The following DNAJC15 variants were observed in gnomAD, a reference collection of about 807,000 sequenced individuals.
DNAJC15 encodes the protein DnaJ heat shock protein family (Hsp40) member C15.
A neutral mutation model predicts 22.4 loss-of-function variants in DNAJC15; 27 were observed. The observed-to-expected ratio is 1.20, with a 90% confidence interval of 0.89 to 1.66. The LOEUF is 1.66. DNAJC15 is among the 40% of genes most tolerant of loss of function. DNAJC15 has a pLI of 0.00. For missense variants in DNAJC15, 208 were observed against 187.1 expected (o/e 1.11, Z -0.65); for synonymous variants, 79 against 63.2 (o/e 1.25, Z -1.19).
At chr13:43,055,458 T>A (rs2040526014) in intron 1 of DNAJC15, among the ~76,000 whole-genome samples, 1 of 152,154 alleles carries the variant, frequency 6.6e-6, no homozygotes, top group African/African-American at 2.4e-5. Flanking sequence ...TCTTTTTGCC[T>A]ATTCAACTTT....
At chr13:43,088,207 T>C (rs2040698160) in intron 5 of DNAJC15, among the ~76,000 whole-genome samples, 2 of 152,214 alleles carry the variant, frequency 1.3e-5, no homozygotes, top group Non-Finnish European at 2.9e-5. Context: ...AGAAAGCTTA[T>C]AATATCGCCA....
At chr13:43,080,982 C>T (rs996734509) in intron 4 of DNAJC15, among the ~76,000 whole-genome samples, 1 of 152,146 alleles carries the variant, frequency 6.6e-6, no homozygotes, top group Non-Finnish European at 1.5e-5. Context: ...GACTATATAA[C>T]AGGTAGGTGA....
chr13:43,054,738 T>A (rs1482563664), intron 1 of DNAJC15, among the ~76,000 whole-genome samples: 1 of 152,202 alleles, frequency 6.6e-6, no homozygotes, highest in Non-Finnish European at 1.5e-5. Flanking sequence ...TTCTGTGGTA[T>A]TGGTTGTAAT....
At chr13:43,065,770 G>A (rs1185246717) in intron 2 of DNAJC15, 33 bp downstream of exon 2, 1 of 1,603,058 alleles carries the variant, frequency 6.2e-7, no homozygotes, top group South Asian at 1.1e-5. Context: ...ATAAATTGCA[G>A]GAGAAATCTT....
At chr13:43,055,643 G>A (rs1248975784) in intron 1 of DNAJC15, among the ~76,000 whole-genome samples, 1 of 152,152 alleles carries the variant, frequency 6.6e-6, no homozygotes, top group Non-Finnish European at 1.5e-5. Flanking sequence ...TAATCTAAGG[G>A]TCTACCAATT....
chr13:43,058,160 TAG>T (rs2061250472), intron 1 of DNAJC15, among the ~76,000 whole-genome samples: 1 of 152,250 alleles, frequency 6.6e-6, no homozygotes, highest in African/African-American at 2.4e-5. Flanking sequence ...TCTTTTTTCT[TAG>T]AGTGTGGTTG....
intron 5 of DNAJC15, among the ~76,000 whole-genome samples, chr13:43,092,327 CT>C: frequency 6.6e-6 from 1 of 152,036 alleles, no homozygotes; most frequent in East Asian, 1.9e-4. Flanking sequence ...CATGGTATAT[CT>C]TTTTTCCATC....
intron 1 of DNAJC15, among the ~76,000 whole-genome samples, chr13:43,048,542 T>C (rs1389672380): frequency 2.6e-5 from 4 of 152,232 alleles, no homozygotes; most frequent in Non-Finnish European, 1.5e-5. Context: ...CCATATCACA[T>C]AAATTTGTTT....
chr13:43,067,005 C>T (rs1310551983), intron 2 of DNAJC15, among the ~76,000 whole-genome samples: 2 of 152,096 alleles, frequency 1.3e-5, no homozygotes, highest in African/African-American at 4.8e-5. Context: ...ATAGCTATAT[C>T]CTAATTAAAT....
At chr13:43,090,601 T>C (rs1457689957) in intron 5 of DNAJC15, among the ~76,000 whole-genome samples, 1 of 152,202 alleles carries the variant, frequency 6.6e-6, no homozygotes, top group Non-Finnish European at 1.5e-5. Flanking sequence ...TTTTGCCTTT[T>C]TTTGAAAGTT....
intron 1 of DNAJC15, among the ~76,000 whole-genome samples, chr13:43,043,448 T>G (rs1282628367): frequency 6.6e-6 from 1 of 152,232 alleles, no homozygotes; most frequent in Non-Finnish European, 1.5e-5. Context: ...GAGCCATGAC[T>G]CACACTGTTA....
At chr13:43,094,103 AT>A (rs529172047) in intron 5 of DNAJC15, among the ~76,000 whole-genome samples, 34 of 152,356 alleles carry the variant, frequency 2.2e-4, no homozygotes, top group Non-Finnish European at 3.4e-4. Context: ...CTTCTTAAAG[AT>A]TAGTTGCATT....
rs759486557 is a variant in DNAJC15 at position 43,023,598 on chromosome 13, G to A, written c.-29G>A. 4.4e-6 allele frequency: 7 copies of A among 1,592,550 alleles called. No individual in the cohort carries two copies. In the East Asian group the frequency reaches 1.1e-4, roughly 26 times the overall value. ...ACGGCCGCCTCGTAGTCACTGCCGC[G>A]GCGCCTTGAGTCTCCGGGCCGCCTT... On this transcript the variant is annotated 5_prime_UTR_variant, in exon 1 of 6. Transcript: ENST00000379221.
chr13:43,091,837 G>A (rs568976814), intron 5 of DNAJC15, among the ~76,000 whole-genome samples: 2 of 152,104 alleles, frequency 1.3e-5, no homozygotes, highest in Non-Finnish European at 2.9e-5. Context: ...ACAATAGAGG[G>A]TTTTGTAGTT....
chr13:43,069,905 T>C, intron 3 of DNAJC15, among the ~76,000 whole-genome samples: 1 of 152,206 alleles, frequency 6.6e-6, no homozygotes, highest in East Asian at 1.9e-4. Flanking sequence ...CTACCTACTT[T>C]ATATATGTTA....
At chr13:43,058,846 G>A (rs1342002622) in intron 1 of DNAJC15, among the ~76,000 whole-genome samples, 1 of 152,090 alleles carries the variant, frequency 6.6e-6, no homozygotes, top group East Asian at 1.9e-4. Flanking sequence ...TTTTCGCTCA[G>A]CTCTCTTCAG....
At chr13:43,068,724 T>C (rs1255942163) in intron 2 of DNAJC15, among the ~76,000 whole-genome samples, 5 of 152,124 alleles carry the variant, frequency 3.3e-5, no homozygotes, top group Admixed American at 3.3e-4. Context: ...ATAAATTTAA[T>C]GGCTATGATA....
chr13:43,086,226 G>A (rs1306162301), intron 5 of DNAJC15, among the ~76,000 whole-genome samples: 1 of 152,198 alleles, frequency 6.6e-6, no homozygotes, highest in Non-Finnish European at 1.5e-5. Context: ...CCAAATCTGT[G>A]AATGTAATAT....
intron 1 of DNAJC15, among the ~76,000 whole-genome samples, chr13:43,041,622 A>T (rs1183225680): frequency 2.6e-5 from 4 of 152,042 alleles, no homozygotes. Flanking sequence ...TCAACATCTA[A>T]CCTTTGTTCT....
Sources: gnomAD v4.1 joint callset for allele counts (sites outside exome capture counted in the v4.1 genomes callset) on GRCh38, gnomAD v4.1.1 for gene constraint, MANE v1.5 for transcripts, NCBI Gene and HGNC (gene_info 2026-07-23, HGNC 2026-07-21) for gene names.